The following PAPPA2 variants were observed in gnomAD, a reference collection of about 807,000 sequenced individuals.
PAPPA2 encodes pappalysin 2.
In PAPPA2, 86 loss-of-function variants were observed where a neutral mutation model predicts 176.4. That is an observed-to-expected ratio of 0.49 (90% confidence interval 0.41 to 0.58). PAPPA2 has a LOEUF of 0.58. PAPPA2 is among the 20% of genes least tolerant of loss of function. The pLI, the probability that PAPPA2 is intolerant of heterozygous loss-of-function variation, is 0.00. For synonymous variants in PAPPA2, 809 were observed against 852.2 expected (o/e 0.95, Z 0.88); for missense variants, 2,073 against 2,256.9 (o/e 0.92, Z 1.65).
chr1:176,571,832 A>G (rs950144925), intron 2 of PAPPA2, among the ~76,000 whole-genome samples: 1 of 152,272 alleles, frequency 6.6e-6, no homozygotes, highest in South Asian at 2.1e-4. Context: ...ATTCAAAAGA[A>G]GAATCCAGTA....
At chr1:176,561,076 G>C (rs1651641664) in intron 2 of PAPPA2, among the ~76,000 whole-genome samples, 1 of 152,214 alleles carries the variant, frequency 6.6e-6, no homozygotes, top group Non-Finnish European at 1.5e-5. Flanking sequence ...TGCTTGTGTA[G>C]AACTTGGGAG....
At chr1:176,504,053 T>C (rs1015146095) in intron 1 of PAPPA2, among the ~76,000 whole-genome samples, 7 of 152,258 alleles carry the variant, frequency 4.6e-5, no homozygotes, top group Middle Eastern at 6.8e-3. Context: ...TATGAAGAAC[T>C]TCCTTAAGTT....
At chr1:176,719,723 C>G (rs940261488) in intron 12 of PAPPA2, among the ~76,000 whole-genome samples, 1 of 152,150 alleles carries the variant, frequency 6.6e-6, no homozygotes, top group African/African-American at 2.4e-5. Flanking sequence ...TCTTTTATAA[C>G]TCCATTTATC....
At chr1:176,713,708 G>A (rs1661244018) in intron 12 of PAPPA2, among the ~76,000 whole-genome samples, 1 of 152,108 alleles carries the variant, frequency 6.6e-6, no homozygotes, top group African/African-American at 2.4e-5. Context: ...CATGGAAGAG[G>A]TGGGCGTGTG....
chr1:176,514,322 T>A (rs2102527982), intron 1 of PAPPA2, among the ~76,000 whole-genome samples: 1 of 152,216 alleles, frequency 6.6e-6, no homozygotes, highest in East Asian at 1.9e-4. Flanking sequence ...CCATGGGAAC[T>A]AACAGAGAGG....
rs267598193 is a variant in PAPPA2, at chr1:176,740,147, C to T, written c.4102C>T (p.Pro1368Ser). Residue 1368 changes from proline (P) to serine (S), a missense_variant, in exon 14 of 23, where the codon CCC becomes TCC. By Grantham distance (74) the Pro-to-Ser change is moderately conservative. Around this residue, in one of 4 missense-constraint regions of PAPPA2, gnomAD observed 846 missense variants for 857.9 expected, o/e 0.99. Coordinates refer to ENST00000367662, the MANE Select transcript of PAPPA2 (RefSeq NM_020318.3). ...ATCCTCCCGCATTGGTCTTTCGGCT[C>T]CCAGTAACTGCATCTCAGAGGACGA... ...RTSSRIGLSA[P>S]SNCISEDEGQ... 2 of 1,613,822 alleles carry T rather than the reference C, an allele frequency of 1.2e-6. No homozygotes were observed. The highest frequency in any genetic ancestry group is 1.7e-6 in the Non-Finnish European group (2 of 1,179,842).
chr1:176,659,683 A>G (rs922720195), intron 3 of PAPPA2, among the ~76,000 whole-genome samples: 1 of 152,144 alleles, frequency 6.6e-6, no homozygotes, highest in East Asian at 1.9e-4. Flanking sequence ...ATAATCATTG[A>G]AATAATGAGA....
intron 15 of PAPPA2, among the ~76,000 whole-genome samples, chr1:176,767,618 T>C (rs1223252200): frequency 3.9e-5 from 6 of 152,214 alleles, no homozygotes; most frequent in Non-Finnish European, 7.3e-5. Flanking sequence ...AGTGCTGGGA[T>C]TACAGGTGTG....
At chr1:176,524,647 G>GT (rs1371838638) in intron 1 of PAPPA2, among the ~76,000 whole-genome samples, 1 of 152,142 alleles carries the variant, frequency 6.6e-6, no homozygotes, top group Non-Finnish European at 1.5e-5. Flanking sequence ...GGGTAAAGAA[G>GT]TTTTTTTCTA....
intron 2 of PAPPA2, among the ~76,000 whole-genome samples, chr1:176,581,749 T>C (rs1652973732): frequency 6.6e-6 from 1 of 152,100 alleles, no homozygotes; most frequent in Non-Finnish European, 1.5e-5. Flanking sequence ...TTGATTTCTT[T>C]TTTAGATTGA....
rs1343444395 is a variant in PAPPA2, at chr1:176,556,445, T to C, written c.123T>C (p.Asn41=). The C allele has an allele frequency of 2.5e-6, 4 of 1,614,062 alleles. No individual in the cohort carries two copies. The highest frequency in any genetic ancestry group is 1.3e-5 in the African/African-American group (1 of 74,916). ...CCTTGGTTGAGAGGGAACACCTGAA[T>C]CAGGTGCTGTTGGAAGGAGAACGTT... The part of the protein sequence containing the change: ...KKSLVEREHL[N]QVLLEGERCW... Residue 41 remains asparagine (N), a synonymous_variant, in exon 2 of 23, where the codon AAT becomes AAC. Coordinates refer to ENST00000367662, the MANE Select transcript of PAPPA2 (RefSeq NM_020318.3).
At chr1:176,772,454 C>T (rs1664273217) in intron 17 of PAPPA2, among the ~76,000 whole-genome samples, 1 of 152,154 alleles carries the variant, frequency 6.6e-6, no homozygotes, top group South Asian at 2.1e-4. Flanking sequence ...ATCTGACTCA[C>T]ATTTACCCTT....
chr1:176,743,047 G>A (rs1169946234), intron 14 of PAPPA2, among the ~76,000 whole-genome samples: 1 of 152,038 alleles, frequency 6.6e-6, no homozygotes, highest in East Asian at 1.9e-4. Context: ...TCTTTGTCTT[G>A]GACAAAGTAA....
chr1:176,506,125 T>C (rs1203676709), intron 1 of PAPPA2, among the ~76,000 whole-genome samples: 1 of 152,138 alleles, frequency 6.6e-6, no homozygotes, highest in Non-Finnish European at 1.5e-5. Context: ...TTGCTTGTTT[T>C]TGTCAGCCTT....
At chr1:176,607,621 G>T (rs2102672419) in intron 3 of PAPPA2, among the ~76,000 whole-genome samples, 1 of 152,194 alleles carries the variant, frequency 6.6e-6, no homozygotes, top group East Asian at 1.9e-4. Context: ...AGACACTTAG[G>T]TTGACTGGAC....
intron 17 of PAPPA2, among the ~76,000 whole-genome samples, chr1:176,778,864 A>C (rs187080097): frequency 6.6e-6 from 1 of 152,142 alleles, no homozygotes; most frequent in Non-Finnish European, 1.5e-5. Flanking sequence ...GAAATCCTCA[A>C]ATATCTTGCC....
At chr1:176,630,633 A>C (rs935496366) in intron 3 of PAPPA2, among the ~76,000 whole-genome samples, 1 of 152,186 alleles carries the variant, frequency 6.6e-6, no homozygotes, top group Non-Finnish European at 1.5e-5. Context: ...AACTAAAAGA[A>C]AGCAGTGGCA....
intron 3 of PAPPA2, among the ~76,000 whole-genome samples, chr1:176,665,600 A>T (rs1217049533): frequency 6.6e-6 from 1 of 152,130 alleles, no homozygotes; most frequent in Non-Finnish European, 1.5e-5. Context: ...TTTTTTTATG[A>T]AGTTTAGTTT....
At chr1:176,641,648 G>A (rs1657098592) in intron 3 of PAPPA2, among the ~76,000 whole-genome samples, 1 of 151,712 alleles carries the variant, frequency 6.6e-6, no homozygotes, top group African/African-American at 2.4e-5. Flanking sequence ...TAGATTTTGG[G>A]TTTACTTAGT....
Sources: gnomAD v4.1 joint callset for allele counts (sites outside exome capture counted in the v4.1 genomes callset) on GRCh38, gnomAD v4.1.1 for gene constraint, gnomAD v4.1.1 regional missense constraint, MANE v1.5 for transcripts, NCBI Gene and HGNC (gene_info 2026-07-23, HGNC 2026-07-21) for gene names.